Variants in TMSB15A observed in about 807,000 individuals in gnomAD.
TMSB15A encodes thymosin beta-15A.
TMSB15A carries 1 observed loss-of-function variant against 3.2 expected under a neutral mutation model. The observed-to-expected ratio is 0.32, with a 90% CI of 0.11 to 1.50. The LOEUF (loss-of-function observed/expected upper bound fraction) is 1.50. Among genes scored for constraint, TMSB15A ranks in the 40% most tolerant of loss-of-function variants. TMSB15A has a pLI of 0.39. For missense variants in TMSB15A, 22 were observed against 27.8 expected (o/e 0.79, Z 0.47); for synonymous variants, 10 against 11.2 (o/e 0.90, Z 0.21).
At chrX:102,515,815 C>A (rs1934889486) in intron 1 of TMSB15A, among the ~76,000 whole-genome samples, 1 of 111,652 alleles carries the variant, frequency 9.0e-6, no homozygotes, top group Admixed American at 9.5e-5. Context: ...CCCAGGACTT[C>A]AGCAGAATGG....
intron 1 of TMSB15A, among the ~76,000 whole-genome samples, chrX:102,515,923 C>A (rs1360551194): frequency 9.0e-6 from 1 of 111,499 alleles, no homozygotes; most frequent in Non-Finnish European, 1.9e-5. Context: ...GTGGACCTGA[C>A]GAAATGCCTG....
At position 102,513,980 on chromosome X, in the gene TMSB15A, C is replaced by A; in HGVS notation, c.*107G>T. 1.1e-6 allele frequency: 1 copy of A among 912,984 alleles called. No individual in the cohort carries two copies. Among genetic ancestry groups the A allele is most frequent in the Non-Finnish European group, 1.6e-6 (1 of 629,533 alleles). 75.2% of individuals were successfully genotyped at this position (912,984 alleles called of 1,213,427 possible). On this transcript the variant is annotated 3_prime_UTR_variant, in exon 3 of 3. Transcript: ENST00000289373. ...CCAGGGAACATAGGTGAGAAGATAT[C>A]CGAAGACGCCTAAAATCTCTACAAA...
chrX:102,514,538 CT>C (rs781972124), intron 2 of TMSB15A, among the ~76,000 whole-genome samples: 19 of 111,904 alleles, frequency 1.7e-4, no homozygotes, highest in Non-Finnish European at 3.6e-4. Flanking sequence ...TGCAAAAACA[CT>C]TGGAGTTTCT....
rs1556403426 is a variant in TMSB15A, at chrX:102,515,095, A to T, written c.69T>A (p.Thr23=). Residue 23 remains threonine, a synonymous_variant, in exon 2 of 3, where the codon ACT becomes ACA. Transcript: ENST00000289373. ...TTGAGGGAAGAGTATTTTTTTCTTC[A>T]GTATTAGTTTTCTTCAGTTTTGACC... ...FDRSKLKKTN[T]EEKNTLPSKE... is the part of the protein sequence containing the mutation. 8.3e-7 allele frequency: 1 copy of T among 1,210,843 alleles called. No individual in the cohort carries two copies. Among genetic ancestry groups the T allele is most frequent in the Admixed American group, 2.2e-5 (1 of 45,977 alleles).
rs189301542 is a variant in TMSB15A, at chrX:102,515,041, C to A, written c.100+23G>T. 1.0e-5 allele frequency: 12 copies of A among 1,201,159 alleles called. No homozygotes were observed. In the East Asian group the frequency reaches 3.6e-4, roughly 36 times the overall value. On this transcript the variant is annotated intron_variant, in intron 2 of 2. Coordinates refer to ENST00000289373, the MANE Select transcript of TMSB15A (RefSeq NM_021992.3). ...ATTAACTTTCTCTACTGTGTGTTTC[C>A]ACTAGAACCCCCCATGACTTACTTT... is the stretch of plus-strand genomic sequence containing the variant.
intron 1 of TMSB15A, among the ~76,000 whole-genome samples, chrX:102,515,795 T>C (rs1315662463): frequency 9.0e-6 from 1 of 111,618 alleles, no homozygotes; most frequent in Non-Finnish European, 1.9e-5. Flanking sequence ...GACAGCTAAC[T>C]AGGATCAAAC....
At chrX:102,514,999 G>A (rs960460087) in intron 2 of TMSB15A, 65 bp downstream of exon 2, 3 of 1,138,230 alleles carry the variant, frequency 2.6e-6, no homozygotes, top group Non-Finnish European at 3.6e-6. Context: ...TAGAAGATAG[G>A]TTTATTTACT....
At position 102,514,128 on chromosome X, in the gene TMSB15A, G is replaced by A; in HGVS notation, c.101-4C>T. The A allele has an allele frequency of 8.3e-7, 1 of 1,210,927 alleles. No homozygotes were observed. The highest frequency in any genetic ancestry group is 1.1e-6 in the Non-Finnish European group (1 of 894,962). On this transcript the variant is annotated splice_polypyrimidine_tract_variant and splice_region_variant and intron_variant, in intron 2 of 2. Transcript: ENST00000289373. ...CACTCTTTCTCTTGCTGGATAGCTG[G>A]GAAGACAAACACAAAAATCATTAAC...
At chrX:102,514,939 T>TTAAA (rs1269488165) in intron 2 of TMSB15A, 125 bp downstream of exon 2, 17 of 687,341 alleles carry the variant, frequency 2.5e-5, no homozygotes, top group Non-Finnish European at 3.7e-5. Flanking sequence ...AACTGTTACA[T>TTAAA]TAAACACCAT....
At chrX:102,516,060 G>C (rs968215356) in intron 1 of TMSB15A, among the ~76,000 whole-genome samples, 2 of 110,185 alleles carry the variant, frequency 1.8e-5, no homozygotes, top group Non-Finnish European at 3.8e-5. Flanking sequence ...CTAGTGCTTG[G>C]GGTAGAATGG....
rs1296371936 is a variant in TMSB15A, at chrX:102,513,782, A to G, written c.*305T>C. The G allele has an allele frequency of 3.7e-6, 1 of 270,346 alleles. No homozygotes were observed. Among genetic ancestry groups the G allele is most frequent in the African/African-American group, 2.7e-5 (1 of 37,308 alleles). 22.3% of individuals were successfully genotyped at this position (270,346 alleles called of 1,213,427 possible). A position where few individuals can be genotyped will look rare whatever the true frequency, so the allele number is the denominator to read the frequency against. On this transcript the variant is annotated 3_prime_UTR_variant, in exon 3 of 3. Coordinates refer to ENST00000289373, the MANE Select transcript of TMSB15A (RefSeq NM_021992.3). The stretch of plus-strand genomic sequence containing the variant: ...TTCATGAAGATTATGAAGCAATGGA[A>G]GCACCCATCATAGCAGGTTAAAACA...
Position 102,513,823 on chromosome X carries a change from G to C in TMSB15A, c.*264C>G. ...GGTTAAAACAGGCTTATCCAGTATAGGATGCAAGAACTACATACACAAAGG... is the reference window on the plus strand; with the variant it reads ...GGTTAAAACAGGCTTATCCAGTATACGATGCAAGAACTACATACACAAAGG... On this transcript the variant is annotated 3_prime_UTR_variant, in exon 3 of 3. Transcript: ENST00000289373. The C allele has an allele frequency of 2.6e-6, 1 of 383,775 alleles. No individual in the cohort carries two copies. Among genetic ancestry groups the C allele is most frequent in the African/African-American group, 2.5e-5 (1 of 40,205 alleles). The allele number at this position is 383,775 out of a possible 1,213,427, so 31.6% of individuals were successfully genotyped here. A position where few individuals can be genotyped will look rare whatever the true frequency, so the allele number is the denominator to read the frequency against.
Position 102,514,028 on chromosome X carries a change from G to A in TMSB15A, c.*59C>T. 8.5e-7 allele frequency: 1 copy of A among 1,176,955 alleles called. No homozygotes were observed. The highest frequency in any genetic ancestry group is 1.8e-5 in the South Asian group (1 of 55,816). ...AAACACATGGGTTTACAAAAAACAA[G>A]CCTAAAATCAAGACTCTCAGGTAAT... is the stretch of plus-strand genomic sequence containing the variant. On this transcript the variant is annotated 3_prime_UTR_variant, in exon 3 of 3. Coordinates refer to ENST00000289373, the MANE Select transcript of TMSB15A (RefSeq NM_021992.3).
chrX:102,516,451 A>G (rs189902518), intron 1 of TMSB15A, among the ~76,000 whole-genome samples: 3,316 of 111,789 alleles, frequency 0.03, 113 homozygotes, highest in African/African-American at 0.1. Context: ...GTTTCCAGGG[A>G]CCGGCCCCCA....
rs1934867390 is a variant in TMSB15A at position 102,513,896 on chromosome X, C to T, written c.*191G>A. On this transcript the variant is annotated 3_prime_UTR_variant, in exon 3 of 3. Coordinates refer to ENST00000289373, the MANE Select transcript of TMSB15A (RefSeq NM_021992.3). ...CAGCATCTGCCATCTGGAACATATG[C>T]ACCAATGGTAAGTTTAAAAATGAAT... 2.1e-6 allele frequency: 1 copy of T among 486,108 alleles called. No homozygotes were observed. Among genetic ancestry groups the T allele is most frequent in the Admixed American group, 3.3e-5 (1 of 29,940 alleles). The allele number at this position is 486,108 out of a possible 1,213,427, so 40.1% of individuals were successfully genotyped here.
rs1165069968 is a variant in TMSB15A, at chrX:102,516,698, G to C, written c.-50C>G. 7.1e-5 allele frequency: 8 copies of C among 112,196 alleles called. No individual in the cohort carries two copies. The highest frequency in any genetic ancestry group is 2.6e-4 in the African/African-American group (8 of 30,888). The allele number at this position is 112,196 out of a possible 1,213,427, so 9.2% of individuals were successfully genotyped here. On this transcript the variant is annotated 5_prime_UTR_variant, in exon 1 of 3. Transcript: ENST00000289373. ...CTTGAAGACTCGTGAAAGGCTGTTC[G>C]CGGGGCTGAGACCCAGACTCGCTCC...
rs1357943392 is a variant in TMSB15A, at chrX:102,513,960, G to A, written c.*127C>T. 1.1e-5 allele frequency: 8 copies of A among 750,039 alleles called. No individual in the cohort carries two copies. Among genetic ancestry groups the A allele is most frequent in the Non-Finnish European group, 1.6e-5 (8 of 492,162 alleles). 61.8% of individuals were successfully genotyped at this position (750,039 alleles called of 1,213,427 possible). ...GGCTACCTCTGACTTCTTAGCCAGG[G>A]AACATAGGTGAGAAGATATCCGAAG... is the stretch of plus-strand genomic sequence containing the variant. On this transcript the variant is annotated 3_prime_UTR_variant, in exon 3 of 3. Transcript: ENST00000289373.
intron 1 of TMSB15A, among the ~76,000 whole-genome samples, chrX:102,516,399 C>G (rs1321269737): frequency 8.8e-6 from 1 of 113,035 alleles, no homozygotes; most frequent in Non-Finnish European, 1.9e-5. Context: ...GGACAGGTCC[C>G]TTTAAGGGTC....
intron 1 of TMSB15A, among the ~76,000 whole-genome samples, chrX:102,515,814 T>A (rs1436018877): frequency 9.0e-6 from 1 of 111,665 alleles, no homozygotes; most frequent in Non-Finnish European, 1.9e-5. Context: ...ACCCAGGACT[T>A]CAGCAGAATG....
Sources: allele counts gnomAD v4.1 joint callset (sites outside exome capture counted in the v4.1 genomes callset), GRCh38; gene constraint gnomAD v4.1.1; transcripts MANE v1.5; gene names NCBI Gene and HGNC (gene_info 2026-07-23, HGNC 2026-07-21).